The following DPP10 variants were observed in gnomAD, a reference collection of about 807,000 sequenced individuals.
DPP10 encodes dipeptidyl peptidase like 10.
DPP10 carries 33 observed loss-of-function variants against 120.9 expected under a neutral mutation model. The ratio of observed to expected loss-of-function variants is 0.27; its 90% CI spans 0.21 to 0.37. The LOEUF (loss-of-function observed/expected upper bound fraction) is 0.37, where lower values mean the gene tolerates loss of function less well. DPP10 is among the 10% of genes least tolerant of loss of function. The probability of loss-of-function intolerance (pLI) is 1.00; values close to 1 mark genes in which losing one functional copy is unlikely to be tolerated. For synonymous variants in DPP10, 337 were observed against 326.1 expected, an observed-to-expected ratio of 1.03 and a Z score of -0.36; for missense variants, 816 against 942.8, an observed-to-expected ratio of 0.87 and a Z score of 1.76.
intron 1 of DPP10, among the ~76,000 whole-genome samples, chr2:114,568,471 C>A (rs1342857171): frequency 6.6e-6 from 1 of 152,142 alleles, no homozygotes; most frequent in African/African-American, 2.4e-5. Context: ...TTAGAACACA[C>A]AAATATCATT....
At chr2:114,634,518 G>T (rs577909754) in intron 1 of DPP10, among the ~76,000 whole-genome samples, 4 of 151,852 alleles carry the variant, frequency 2.6e-5, no homozygotes, top group Non-Finnish European at 5.9e-5. Flanking sequence ...TAAACCCTTA[G>T]CTACTTTGCA....
chr2:114,459,111 G>A (rs895829836), intron 1 of DPP10, among the ~76,000 whole-genome samples: 1 of 152,174 alleles, frequency 6.6e-6, no homozygotes, highest in Non-Finnish European at 1.5e-5. Context: ...GTTAAGGAAT[G>A]TATAACACAA....
intron 3 of DPP10, among the ~76,000 whole-genome samples, chr2:115,378,053 T>G (rs1210696086): frequency 1.3e-5 from 2 of 152,032 alleles, no homozygotes; most frequent in Non-Finnish European, 2.9e-5. Context: ...TTTGGTTCCA[T>G]ATGAACTTTA....
intron 8 of DPP10, among the ~76,000 whole-genome samples, chr2:115,735,008 A>G (rs2093002359): frequency 6.6e-6 from 1 of 152,192 alleles, no homozygotes; most frequent in Non-Finnish European, 1.5e-5. Context: ...AGAATGCTAT[A>G]CAATTTTTAC....
intron 3 of DPP10, among the ~76,000 whole-genome samples, chr2:115,381,344 T>C (rs1306627940): frequency 6.6e-6 from 1 of 152,204 alleles, no homozygotes; most frequent in Admixed American, 6.5e-5. Flanking sequence ...GTTGATCGCG[T>C]CGGCTCCTGA....
intron 1 of DPP10, among the ~76,000 whole-genome samples, chr2:115,212,382 A>T (rs1237123395): frequency 6.6e-6 from 1 of 152,212 alleles, no homozygotes; most frequent in South Asian, 2.1e-4. Flanking sequence ...AAGGGAACAC[A>T]CTAGTCACTC....
At chr2:115,047,480 A>G (rs754687122) in intron 1 of DPP10, among the ~76,000 whole-genome samples, 7 of 152,014 alleles carry the variant, frequency 4.6e-5, no homozygotes, top group Non-Finnish European at 1.0e-4. Context: ...TCATATTTTC[A>G]TGAGTAAAAA....
At chr2:114,563,998 G>A (rs907280315) in intron 1 of DPP10, among the ~76,000 whole-genome samples, 7 of 152,310 alleles carry the variant, frequency 4.6e-5, no homozygotes, top group Middle Eastern at 3.4e-3. Flanking sequence ...GCAGGAGAAT[G>A]GGTGTGAAGT....
chr2:115,314,384 G>T (rs1434203649), intron 2 of DPP10, among the ~76,000 whole-genome samples: 1 of 152,170 alleles, frequency 6.6e-6, no homozygotes, highest in East Asian at 1.9e-4. Flanking sequence ...CCAAAATGTG[G>T]TCTTCATTGT....
intron 3 of DPP10, among the ~76,000 whole-genome samples, chr2:115,423,816 A>G (rs980684032): frequency 3.3e-5 from 5 of 152,182 alleles, no homozygotes; most frequent in African/African-American, 9.6e-5. Flanking sequence ...TTCATCAGCA[A>G]GAATACCTTA....
intron 10 of DPP10, chr2:115,750,239 T>C (rs1678532425): frequency 1.0e-6 from 1 of 974,992 alleles, no homozygotes. Flanking sequence ...GCCTGAATAC[T>C]TATGAGTAAG....
chr2:115,776,261 C>T (rs1480572473), intron 13 of DPP10, among the ~76,000 whole-genome samples: 1 of 152,120 alleles, frequency 6.6e-6, no homozygotes, highest in Non-Finnish European at 1.5e-5. Context: ...ATCAACCCGT[C>T]ATCTACATTA....
rs1388130768 is a variant in DPP10 at position 115,827,447 on chromosome 2, T to TATAG, written c.1951-8710_1951-8709insATAG. Among the ~76,000 whole-genome samples the TATAG allele has an allele frequency of 2.2e-3, 282 of 126,730 alleles. 1 individual carries two copies. The highest frequency in any genetic ancestry group is 4.3e-3 in the Middle Eastern group (1 of 232). The allele number at this position is 126,730 out of a possible 152,430, so 83.1% of individuals were successfully genotyped here. Reference sequence around the variant, plus strand: ...ATATATATATATATATATATATATATGCTCTACAGTGGTATACTTCTGTTT... The same window carrying TATAG: ...ATATATATATATATATATATATATATATAGGCTCTACAGTGGTATACTTCTGTTT... On this transcript the variant is annotated intron_variant, in intron 21 of 25. Transcript: ENST00000410059.
At chr2:114,890,792 A>C (rs1016102968) in intron 1 of DPP10, among the ~76,000 whole-genome samples, 4 of 152,240 alleles carry the variant, frequency 2.6e-5, no homozygotes, top group Non-Finnish European at 5.9e-5. Context: ...GTCTATGTTT[A>C]GAGCACGGTA....
intron 1 of DPP10, among the ~76,000 whole-genome samples, chr2:115,281,857 A>G (rs1043675934): frequency 1.3e-5 from 2 of 152,278 alleles, no homozygotes; most frequent in Non-Finnish European, 2.9e-5. Context: ...AGGTGTATTT[A>G]TAATAAAATA....
chr2:115,533,837 G>C (rs1392948338), intron 5 of DPP10, among the ~76,000 whole-genome samples: 2 of 152,106 alleles, frequency 1.3e-5, no homozygotes, highest in East Asian at 3.9e-4. Context: ...TGTAGTTGCT[G>C]CTGCTGAACT....
intron 1 of DPP10, among the ~76,000 whole-genome samples, chr2:115,222,655 A>C (rs2057235269): frequency 6.6e-6 from 1 of 152,138 alleles, no homozygotes. Flanking sequence ...AAAATGGACA[A>C]ATACAGTAAT....
chr2:115,488,829 A>C (rs1390082248), intron 3 of DPP10, among the ~76,000 whole-genome samples: 1 of 136,198 alleles, frequency 7.3e-6, no homozygotes, highest in Non-Finnish European at 1.6e-5. Flanking sequence ...ATGTATACAT[A>C]TGTAACTAAC....
At chr2:115,592,352 A>T (rs2149178872) in intron 5 of DPP10, among the ~76,000 whole-genome samples, 1 of 152,216 alleles carries the variant, frequency 6.6e-6, no homozygotes, top group Non-Finnish European at 1.5e-5. Context: ...CTTCCCTCAG[A>T]GAAAATAGAT....
Sources: allele counts gnomAD v4.1 joint callset (sites outside exome capture counted in the v4.1 genomes callset), GRCh38; gene constraint gnomAD v4.1.1; transcripts MANE v1.5; gene names NCBI Gene and HGNC (gene_info 2026-07-23, HGNC 2026-07-21).